NELL2: variants seen among roughly 807,000 people sequenced by gnomAD.
The protein encoded by NELL2 is neural EGFL like 2, also known as protein kinase C-binding protein NELL2.
A neutral mutation model predicts 109.6 loss-of-function variants in NELL2; 41 were observed. That is an observed-to-expected ratio of 0.37 (90% CI 0.29 to 0.49). NELL2 has a LOEUF of 0.49. Among genes scored for constraint, NELL2 ranks in the 20% least tolerant of loss-of-function variants. The pLI, the probability that NELL2 is intolerant of heterozygous loss-of-function variation, is 0.98. For synonymous variants in NELL2, 355 were observed against 344.7 expected (o/e 1.03, Z -0.33); for missense variants, 900 against 1,008.3 (o/e 0.89, Z 1.45).
At chr12:44,723,645 G>GT (rs879886806) in intron 9 of NELL2, among the ~76,000 whole-genome samples, 5 of 151,898 alleles carry the variant, frequency 3.3e-5, no homozygotes, top group African/African-American at 7.3e-5. Flanking sequence ...TTTGTTTGGG[G>GT]TTTTTTTAAT....
At chr12:44,816,759 C>G (rs78726792) in intron 2 of NELL2, among the ~76,000 whole-genome samples, 3,482 of 152,274 alleles carry the variant, frequency 0.023, 73 homozygotes, top group East Asian at 0.048. Context: ...ATTCCCATTT[C>G]CTCCCCAGTC....
intron 9 of NELL2, among the ~76,000 whole-genome samples, chr12:44,759,240 A>C (rs1941019442): frequency 6.6e-6 from 1 of 152,148 alleles, no homozygotes; most frequent in South Asian, 2.1e-4. Flanking sequence ...AAAGGCTACA[A>C]GTTTTTCTAT....
intron 9 of NELL2, among the ~76,000 whole-genome samples, chr12:44,727,949 A>T (rs2136466562): frequency 6.6e-6 from 1 of 152,146 alleles, no homozygotes; most frequent in Non-Finnish European, 1.5e-5. Flanking sequence ...TGATGCTATT[A>T]TATATATGGA....
intron 15 of NELL2, among the ~76,000 whole-genome samples, chr12:44,598,379 AAAC>A (rs1945055405): frequency 6.6e-6 from 1 of 152,146 alleles, no homozygotes; most frequent in Non-Finnish European, 1.5e-5. Context: ...GAACGGAAAA[AAAC>A]AGCCTCATCC....
At chr12:44,882,918 G>A (rs774405969) in intron 1 of NELL2, among the ~76,000 whole-genome samples, 3 of 135,976 alleles carry the variant, frequency 2.2e-5, no homozygotes, top group Non-Finnish European at 4.5e-5. Context: ...TCAACTCACT[G>A]CAATCTCTGC....
chr12:44,701,731 A>G (rs1445029643), intron 12 of NELL2, among the ~76,000 whole-genome samples: 1 of 152,096 alleles, frequency 6.6e-6, no homozygotes, highest in Non-Finnish European at 1.5e-5. Context: ...CAGGCCATCA[A>G]CATCTTTACC....
intron 1 of NELL2, among the ~76,000 whole-genome samples, chr12:44,891,624 T>C (rs1945535247): frequency 6.8e-6 from 1 of 147,910 alleles, no homozygotes; most frequent in African/African-American, 2.5e-5. Flanking sequence ...AACACTGATT[T>C]TTTTTCCTCC....
At chr12:44,758,170 T>C (rs1272438627) in intron 9 of NELL2, among the ~76,000 whole-genome samples, 1 of 152,160 alleles carries the variant, frequency 6.6e-6, no homozygotes, top group Non-Finnish European at 1.5e-5. Context: ...GTTTCTCATA[T>C]GTTTTGTGTG....
intron 15 of NELL2, among the ~76,000 whole-genome samples, chr12:44,561,638 A>T (rs554714736): frequency 6.6e-6 from 1 of 152,338 alleles, no homozygotes; most frequent in South Asian, 2.1e-4. Flanking sequence ...CCTCAAGGAG[A>T]ACTACAAACC....
chr12:44,907,506 G>A (rs748148351), intron 1 of NELL2, among the ~76,000 whole-genome samples: 13 of 152,034 alleles, frequency 8.6e-5, no homozygotes, highest in Non-Finnish European at 7.4e-5. Context: ...GGGAGTAATT[G>A]GTTACCTTGG....
At chr12:44,884,419 T>C (rs913328474) in intron 1 of NELL2, among the ~76,000 whole-genome samples, 1 of 151,944 alleles carries the variant, frequency 6.6e-6, no homozygotes, top group African/African-American at 2.4e-5. Flanking sequence ...TCTTTCATAA[T>C]CAATAAAAAT....
rs1947083692 is a variant in NELL2 at position 44,646,042 on chromosome 12, G to T, written c.1444+19442C>A. Among the ~76,000 whole-genome samples the T allele has an allele frequency of 4.0e-5, 6 of 151,702 alleles. No individual in the cohort carries two copies. In the South Asian group the frequency reaches 6.2e-4, roughly 16 times the overall value. On this transcript the variant is annotated intron_variant, in intron 13 of 19. Coordinates refer to ENST00000429094, the MANE Select transcript of NELL2 (RefSeq NM_001145108.2). ...AAAAACATTTCTACCTCCCTTCATA[G>T]ATTATAAAGTCTGCAAGGGTATGTC...
chr12:44,510,435 T>C (rs1237479855), intron 19 of NELL2, among the ~76,000 whole-genome samples: 1 of 152,188 alleles, frequency 6.6e-6, no homozygotes, highest in Non-Finnish European at 1.5e-5. Flanking sequence ...CATTATATAG[T>C]TTCTCTCAGA....
intron 1 of NELL2, among the ~76,000 whole-genome samples, chr12:44,911,395 G>A (rs1326816395): frequency 6.6e-6 from 1 of 151,870 alleles, no homozygotes; most frequent in East Asian, 1.9e-4. Context: ...ATTTCTCGGG[G>A]AAACCATTTG....
chr12:44,862,296 A>C (rs1295383250), intron 2 of NELL2, among the ~76,000 whole-genome samples: 1 of 152,248 alleles, frequency 6.6e-6, no homozygotes, highest in Non-Finnish European at 1.5e-5. Flanking sequence ...AGGCTTTAGA[A>C]ACAAAAGACA....
chr12:44,523,562 TC>T (rs2138988717), intron 16 of NELL2, 78 bp from the exon 17 acceptor site: 1 of 1,249,914 alleles, frequency 8.0e-7, no homozygotes, highest in East Asian at 2.3e-5. Context: ...GCCAGTTGTC[TC>T]CTGACATAAG....
intron 9 of NELL2, among the ~76,000 whole-genome samples, chr12:44,738,132 C>T (rs1939750178): frequency 6.6e-6 from 1 of 152,164 alleles, no homozygotes. Context: ...TAACACGGCA[C>T]TCAGCCATTA....
In NELL2 at chr12:44,606,787, G is replaced by T. The variant is rs568095861; in HGVS notation, c.1663+382C>A. On this transcript the variant is annotated intron_variant, in intron 15 of 19. Transcript: ENST00000429094. ...AAAATTCCTAATTGTGGATGCAGGT[G>T]ATAGTGTGTTCTCGGCACTGAGTTG... is the stretch of plus-strand genomic sequence containing the variant. Among the ~76,000 whole-genome samples, 7 of 152,158 alleles carry T rather than the reference G, an allele frequency of 4.6e-5. No homozygotes were observed. The South Asian group carries it at 1.4e-3, about 32-fold the overall frequency.
intron 2 of NELL2, among the ~76,000 whole-genome samples, chr12:44,843,358 C>T (rs1944282477): frequency 6.6e-6 from 1 of 151,962 alleles, no homozygotes; most frequent in African/African-American, 2.4e-5. Context: ...GAGGAGATAC[C>T]ACTATACACT....
Sources: allele counts gnomAD v4.1 joint callset (sites outside exome capture counted in the v4.1 genomes callset), GRCh38; gene constraint gnomAD v4.1.1; transcripts MANE v1.5; gene names NCBI Gene and HGNC (gene_info 2026-07-23, HGNC 2026-07-21).